The following CDC14A variants were observed in gnomAD, a reference collection of about 807,000 sequenced individuals.
CDC14A encodes dual specificity protein phosphatase CDC14A.
CDC14A carries 53 observed loss-of-function variants against 74.4 expected under a neutral mutation model. That is an observed-to-expected ratio of 0.71 (90% CI 0.57 to 0.89). The LOEUF is 0.89. Among genes scored for constraint, CDC14A ranks in the 40% least tolerant of loss-of-function variants. CDC14A has a pLI of 0.00. For missense variants in CDC14A, 646 were observed against 713.7 expected, an observed-to-expected ratio of 0.91 and a Z score of 1.08; for synonymous variants, 247 against 258.4, an observed-to-expected ratio of 0.96 and a Z score of 0.43.
chr1:100,464,046 G>A (rs1490418865), intron 9 of CDC14A, among the ~76,000 whole-genome samples: 1 of 152,190 alleles, frequency 6.6e-6, no homozygotes, highest in African/African-American at 2.4e-5. Flanking sequence ...TATGGCTTTG[G>A]TTCTGACAGA....
intron 2 of CDC14A, among the ~76,000 whole-genome samples, chr1:100,366,472 C>T (rs1450251819): frequency 3.3e-5 from 5 of 152,032 alleles, no homozygotes; most frequent in Admixed American, 1.3e-4. Context: ...TTAGAAAAAC[C>T]GAAGACAAAA....
intron 7 of CDC14A, among the ~76,000 whole-genome samples, chr1:100,444,777 A>G (rs1665350063): frequency 6.6e-6 from 1 of 152,232 alleles, no homozygotes; most frequent in African/African-American, 2.4e-5. Context: ...TTTGTGTACA[A>G]GCCTAATTTT....
intron 7 of CDC14A, among the ~76,000 whole-genome samples, chr1:100,443,432 C>T (rs1243615788): frequency 6.6e-6 from 1 of 151,850 alleles, no homozygotes; most frequent in African/African-American, 2.4e-5. Flanking sequence ...CCTCCCCAGG[C>T]TCAAGCTATC....
At chr1:100,409,040 A>G (rs993872888) in intron 4 of CDC14A, among the ~76,000 whole-genome samples, 3 of 152,152 alleles carry the variant, frequency 2.0e-5, no homozygotes, top group African/African-American at 7.2e-5. Context: ...CATATCTGAG[A>G]CTGGGCAATT....
At chr1:100,485,267 C>A in intron 11 of CDC14A, 2 of 985,200 alleles carry the variant, frequency 2.0e-6, no homozygotes, top group Non-Finnish European at 2.4e-6. Context: ...AGTAGTGGGG[C>A]CACTTTGACA....
intron 5 of CDC14A, among the ~76,000 whole-genome samples, chr1:100,434,426 G>A (rs1664078793): frequency 6.6e-6 from 1 of 152,202 alleles, no homozygotes; most frequent in Non-Finnish European, 1.5e-5. Context: ...ACTTTCCCTT[G>A]AGAGCAATGG....
At chr1:100,401,164 A>T (rs1026094806) in intron 4 of CDC14A, among the ~76,000 whole-genome samples, 3 of 152,222 alleles carry the variant, frequency 2.0e-5, no homozygotes, top group African/African-American at 7.2e-5. Flanking sequence ...TACTTCAAAC[A>T]ATATATACTG....
intron 3 of CDC14A, among the ~76,000 whole-genome samples, chr1:100,378,788 G>T (rs1293904894): frequency 6.6e-6 from 1 of 152,106 alleles, no homozygotes; most frequent in African/African-American, 2.4e-5. Flanking sequence ...CTCAACTTTT[G>T]TAGGAATTAA....
At position 100,489,966 on chromosome 1, in the gene CDC14A, T is replaced by C. The variant is rs192765720; in HGVS notation, c.1138-4852T>C. 7.2e-5 allele frequency among the ~76,000 whole-genome samples: 11 copies of C among 152,346 alleles called. No homozygotes were observed. In the East Asian group the frequency reaches 1.7e-3, roughly 24 times the overall value. On this transcript the variant is annotated intron_variant, in intron 11 of 15. Transcript: ENST00000336454. ...AATGGAGGCCCAGGTTGGGTTCTCC[T>C]CATTTGTCATTTGTGAATGTGTTCT...
intron 8 of CDC14A, 134 bp downstream of exon 8, chr1:100,455,626 CAGT>C (rs928320098): frequency 1.2e-4 from 79 of 635,558 alleles, no homozygotes; most frequent in Non-Finnish European, 1.9e-4. Context: ...AAAAATTGAA[CAGT>C]AGTAATAGTG....
chr1:100,491,544 CTCTCTATATATATATA>C (rs1458227916), intron 11 of CDC14A, among the ~76,000 whole-genome samples: 2 of 41,324 alleles, frequency 4.8e-5, no homozygotes, highest in African/African-American at 7.5e-5. Context: ...CTCTCTCTCT[CTCTCTATATATATATA>C]TATATATATA....
At chr1:100,480,556 T>G (rs940794535) in intron 10 of CDC14A, among the ~76,000 whole-genome samples, 1 of 152,212 alleles carries the variant, frequency 6.6e-6, no homozygotes, top group Non-Finnish European at 1.5e-5. Context: ...TGTTTATCTT[T>G]CTGAGGAACT....
intron 2 of CDC14A, among the ~76,000 whole-genome samples, chr1:100,364,163 TC>T (rs1481707562): frequency 2.0e-5 from 3 of 152,052 alleles, no homozygotes; most frequent in African/African-American, 7.2e-5. Flanking sequence ...TTACTTTTTT[TC>T]TGTCATACAC....
intron 15 of CDC14A, among the ~76,000 whole-genome samples, chr1:100,511,668 T>G (rs1003293473): frequency 4.6e-5 from 7 of 152,178 alleles, no homozygotes; most frequent in African/African-American, 1.7e-4. Context: ...TTGACACTAC[T>G]TCTGCCTGCC....
At chr1:100,432,798 G>A (rs1663858686) in intron 5 of CDC14A, among the ~76,000 whole-genome samples, 1 of 152,096 alleles carries the variant, frequency 6.6e-6, no homozygotes, top group South Asian at 2.1e-4. Flanking sequence ...TTTTGAGGAT[G>A]GCATTATATT....
rs1204684770 is a variant in CDC14A, at chr1:100,484,367, T to A, written c.1053T>A (p.Ser351Arg). 6.2e-7 allele frequency: 1 copy of A among 1,607,174 alleles called. No homozygotes were observed. The highest frequency in any genetic ancestry group is 1.1e-5 in the South Asian group (1 of 90,022). ...KLKNRPSSEGSINKILSGLDD... is the reference protein window; with the variant it reads ...KLKNRPSSEGRINKILSGLDD... ...AAAATCGACCATCCAGTGAAGGAAGTATTAATAAAATTCTTTCTGGCCTAG... is the reference window on the plus strand; with the variant it reads ...AAAATCGACCATCCAGTGAAGGAAGAATTAATAAAATTCTTTCTGGCCTAG... The change falls in exon 11 of 16, where the codon AGT (serine) becomes AGA (arginine). Residue 351 changes from serine to arginine, a missense_variant. Transcript: ENST00000336454.
At chr1:100,349,198 GA>G (rs991142923), upstream of CDC14A, among the ~76,000 whole-genome samples, 129 of 137,854 alleles carry the variant, frequency 9.4e-4, no homozygotes, top group Middle Eastern at 3.8e-3. Context: ...TCCGTCTAGA[GA>G]AAAAAAAAAA....
At chr1:100,439,198 A>G (rs1198322682) in intron 5 of CDC14A, among the ~76,000 whole-genome samples, 2 of 152,232 alleles carry the variant, frequency 1.3e-5, no homozygotes, top group South Asian at 2.1e-4. Context: ...TTCATGGTGC[A>G]TTAGAAGCTC....
intron 5 of CDC14A, 47 bp downstream of exon 5, chr1:100,424,348 G>A (rs780963310): frequency 7.6e-7 from 1 of 1,320,760 alleles, no homozygotes; most frequent in Admixed American, 1.7e-5. Flanking sequence ...TACAGAGCTG[G>A]ACACTTTAGA....
Sources: allele counts gnomAD v4.1 joint callset (sites outside exome capture counted in the v4.1 genomes callset), GRCh38; gene constraint gnomAD v4.1.1; transcripts MANE v1.5; gene names NCBI Gene and HGNC (gene_info 2026-07-23, HGNC 2026-07-21).